Variants in WNT2B observed in about 807,000 individuals in gnomAD.
WNT2B encodes the protein protein Wnt-2b.
WNT2B carries 19 observed loss-of-function variants against 40.5 expected under a neutral mutation model. The ratio of observed to expected loss-of-function variants is 0.47; its 90% confidence interval spans 0.33 to 0.69. The LOEUF is 0.69. WNT2B is among the 30% of genes least tolerant of loss of function. The pLI is 0.02. For missense variants in WNT2B, 467 were observed against 556.4 expected (o/e 0.84, Z 1.62); for synonymous variants, 220 against 211.9 (o/e 1.04, Z -0.33).
At chr1:112,479,102 T>TC (rs1570764109) in intron 1 of WNT2B, among the ~76,000 whole-genome samples, 1 of 151,798 alleles carries the variant, frequency 6.6e-6, no homozygotes, top group African/African-American at 2.4e-5. Flanking sequence ...ATGCCTGTAA[T>TC]CCCAGCTACT....
At chr1:112,488,092 GA>G in intron 1 of WNT2B, among the ~76,000 whole-genome samples, 1 of 151,378 alleles carries the variant, frequency 6.6e-6, no homozygotes, top group East Asian at 2.0e-4. Context: ...TCAGAAGTTT[GA>G]AGAGATCAGC....
chr1:112,479,718 T>G (rs947031548), intron 1 of WNT2B, among the ~76,000 whole-genome samples: 4 of 152,064 alleles, frequency 2.6e-5, no homozygotes, highest in African/African-American at 9.7e-5. Flanking sequence ...TTGTTGTTGT[T>G]GTTTTATTTT....
chr1:112,511,366 CT>C (rs896597890), intron 1 of WNT2B, among the ~76,000 whole-genome samples: 7 of 152,188 alleles, frequency 4.6e-5, no homozygotes, highest in African/African-American at 1.7e-4. Flanking sequence ...TGCTCCACAC[CT>C]GTCATAGCTA....
intron 1 of WNT2B, among the ~76,000 whole-genome samples, chr1:112,484,212 TA>T (rs1651326902): frequency 6.9e-6 from 1 of 144,008 alleles, no homozygotes; most frequent in Non-Finnish European, 1.5e-5. Flanking sequence ...ATTTTATATA[TA>T]TATACACATA....
intron 1 of WNT2B, among the ~76,000 whole-genome samples, chr1:112,501,921 T>G (rs1183707516): frequency 6.6e-6 from 1 of 152,188 alleles, no homozygotes; most frequent in Non-Finnish European, 1.5e-5. Context: ...AAGGTTTTCT[T>G]CGGGCAGAAA....
rs866416867 is a variant in WNT2B at position 112,529,796 on chromosome 1, A to G, written c.*9287A>G. ...AAGGTAACTATGCTCATTATTTTCA[A>G]CCAAGTTCTATGGAGGTGGTACCTT... On this transcript the variant is annotated 3_prime_UTR_variant, in exon 5 of 5. Coordinates refer to ENST00000369684, the MANE Select transcript of WNT2B (RefSeq NM_024494.3). 1.4e-4 allele frequency: 21 copies of G among 151,940 alleles called. No individual in the cohort carries two copies. The highest frequency in any genetic ancestry group is 4.8e-4 in the African/African-American group (20 of 41,400). 9.4% of individuals were successfully genotyped at this position (151,940 alleles called of 1,614,324 possible). A position where few individuals can be genotyped will look rare whatever the true frequency, so the allele number is the denominator to read the frequency against.
rs147593686 is a variant in WNT2B, at chr1:112,469,163, G to A, written c.-95+1572G>A. The stretch of plus-strand genomic sequence containing the variant: ...TTTCAATTCTGTTCCATTGGTCTAT[G>A]TGTCTGCTTTTATACCAATACCATC... On this transcript the variant is annotated intron_variant, in intron 1 of 4. Transcript: ENST00000256640. 4.7e-3 allele frequency among the ~76,000 whole-genome samples: 723 copies of A among 152,294 alleles called. 4 individuals are homozygous for A. Among genetic ancestry groups the A allele is most frequent in the African/African-American group, 0.017 (688 of 41,552 alleles).
At chr1:112,491,390 G>C (rs1382408991) in intron 1 of WNT2B, among the ~76,000 whole-genome samples, 1 of 152,186 alleles carries the variant, frequency 6.6e-6, no homozygotes, top group Non-Finnish European at 1.5e-5. Flanking sequence ...CTGGGCAACA[G>C]AGCAAGACTC....
chr1:112,467,857 T>G (rs555334918), intron 1 of WNT2B, among the ~76,000 whole-genome samples: 2 of 152,252 alleles, frequency 1.3e-5, no homozygotes, highest in Non-Finnish European at 2.9e-5. Context: ...CAAAGTATTG[T>G]TGCCAAGTAT....
intron 1 of WNT2B, among the ~76,000 whole-genome samples, chr1:112,496,622 C>T (rs1475802481): frequency 4.7e-5 from 7 of 149,190 alleles, no homozygotes; most frequent in Non-Finnish European, 8.9e-5. Flanking sequence ...TTTTTCGAGA[C>T]GGAGTTTCAC....
rs1400322233 is a variant in WNT2B at position 112,527,230 on chromosome 1, C to G, written c.*6721C>G. On this transcript the variant is annotated 3_prime_UTR_variant, in exon 5 of 5. Coordinates refer to ENST00000369684, the MANE Select transcript of WNT2B (RefSeq NM_024494.3). ...CAGAAGGGAAAAGTACAATGTTCAT[C>G]AATCATAGCTCTGGGATGCTGCAGC... The G allele has an allele frequency of 6.6e-6, 1 of 152,328 alleles. No homozygotes were observed. Among genetic ancestry groups the G allele is most frequent in the Non-Finnish European group, 1.5e-5 (1 of 68,104 alleles). 9.4% of individuals were successfully genotyped at this position (152,328 alleles called of 1,614,324 possible). A position where few individuals can be genotyped will look rare whatever the true frequency, so the allele number is the denominator to read the frequency against.
In WNT2B at chr1:112,516,261, A is replaced by T; in HGVS notation, c.525A>T (p.Arg175=). The part of the protein sequence containing the change: ...VCSCDPYTRG[R]HHDQRGDFDW... ...GCTGTGACCCCTACACCCGTGGCCG[A>T]CACCATGACCAGCGTGGGGACTTTG... Residue 175 remains arginine, a synonymous_variant, in exon 3 of 5, where the codon CGA becomes CGT. Transcript: ENST00000369684. The T allele has an allele frequency of 6.2e-7, 1 of 1,614,000 alleles. No homozygotes were observed. Among genetic ancestry groups the T allele is most frequent in the Non-Finnish European group, 8.5e-7 (1 of 1,179,990 alleles).
intron 4 of WNT2B, chr1:112,518,570 A>G (rs1652692091): frequency 6.6e-6 from 1 of 152,196 alleles, no homozygotes; most frequent in African/African-American, 2.4e-5. Context: ...CCTGCCACTA[A>G]GTATACTTTC....
intron 1 of WNT2B, among the ~76,000 whole-genome samples, chr1:112,511,545 G>A (rs899860275): frequency 1.3e-5 from 2 of 152,220 alleles, no homozygotes; most frequent in Admixed American, 6.5e-5. Context: ...GTGTGTCCAT[G>A]TTCCACTCTG....
intron 1 of WNT2B, among the ~76,000 whole-genome samples, chr1:112,495,443 G>T (rs1341473906): frequency 6.6e-6 from 1 of 152,070 alleles, no homozygotes; most frequent in Non-Finnish European, 1.5e-5. Context: ...AAAAAAATTA[G>T]CTGGGCATGG....
rs1383555722 is a variant in WNT2B at position 112,523,341 on chromosome 1, A to AG, written c.*2833dup. 11 of 152,234 alleles carry AG rather than the reference A, an allele frequency of 7.2e-5. No homozygotes were observed. The highest frequency in any genetic ancestry group is 2.4e-4 in the African/African-American group (10 of 41,462). The allele number at this position is 152,234 out of a possible 1,614,324, so 9.4% of individuals were successfully genotyped here. Reference sequence around the variant, plus strand: ...TCCAGAGAGTGAGAAGTTTGAAAAGAGAGGTGCATAAGAGAGAAATGATGT... The same window carrying AG: ...TCCAGAGAGTGAGAAGTTTGAAAAGAGGAGGTGCATAAGAGAGAAATGATGT... On this transcript the variant is annotated 3_prime_UTR_variant, in exon 5 of 5. Coordinates refer to ENST00000369684, the MANE Select transcript of WNT2B (RefSeq NM_024494.3).
At chr1:112,500,572 C>A (rs894541209) in intron 1 of WNT2B, among the ~76,000 whole-genome samples, 5 of 152,040 alleles carry the variant, frequency 3.3e-5, no homozygotes, top group African/African-American at 1.2e-4. Flanking sequence ...GAGTTCAAGA[C>A]CAGCCTGGGC....
Position 112,509,069 on chromosome 1 carries a change from C to T in WNT2B, c.-194C>T. 1 of 1,352,516 alleles carries T rather than the reference C, an allele frequency of 7.4e-7. No individual in the cohort carries two copies. The highest frequency in any genetic ancestry group is 9.4e-7 in the Non-Finnish European group (1 of 1,061,588). The allele number at this position is 1,352,516 out of a possible 1,614,324, so 83.8% of individuals were successfully genotyped here. A position where few individuals can be genotyped will look rare whatever the true frequency, so the allele number is the denominator to read the frequency against. ...CCCGGGTTCGGCACGCCGTCGTCGG[C>T]TTCCGGACATCGCAACTTGCGCCCC... On this transcript the variant is annotated 5_prime_UTR_variant, in exon 1 of 5. Coordinates refer to ENST00000369684, the MANE Select transcript of WNT2B (RefSeq NM_024494.3). The surrounding 1 kb of genome is among the most constrained non-coding windows in gnomAD (Gnocchi z 4.2).
upstream of WNT2B, among the ~76,000 whole-genome samples, chr1:112,505,556 G>A (rs1652082445): frequency 6.6e-6 from 1 of 152,204 alleles, no homozygotes; most frequent in South Asian, 2.1e-4. Context: ...TCAGGAGCTA[G>A]CTTGAGCCTC....
Sources: allele counts gnomAD v4.1 joint callset (sites outside exome capture counted in the v4.1 genomes callset), GRCh38; gene constraint gnomAD v4.1.1; non-coding constraint Gnocchi (gnomAD v3.1); transcripts MANE v1.5; gene names NCBI Gene and HGNC (gene_info 2026-07-23, HGNC 2026-07-21).